The following USP44 variants were observed in gnomAD, a reference collection of about 807,000 sequenced individuals.
The protein encoded by USP44 is ubiquitin carboxyl-terminal hydrolase 44.
In USP44, 61 loss-of-function variants were observed where a neutral mutation model predicts 69.0. The observed-to-expected ratio is 0.88, with a 90% CI of 0.72 to 1.09. The LOEUF is 1.09. Ranked by LOEUF, USP44 falls within the 50% of genes least tolerant of loss-of-function variation. USP44 has a pLI of 0.00. For synonymous variants in USP44, 297 were observed against 295.4 expected (o/e 1.01, Z -0.06); for missense variants, 753 against 849.9 (o/e 0.89, Z 1.42).
At position 95,518,270 on chromosome 12, in the gene USP44, A is replaced by G. The variant is rs2076539479; in HGVS notation, c.2023T>C (p.Tyr675His). ...CCATTCTCAGTAACTCGTTGGGTAT[A>G]AAACAAGATATAAGCTTGAGCCTTG... ...VCKAQAYILF[Y>H]TQRVTENGHS... is the part of the protein sequence containing the mutation. Residue 675 changes from tyrosine (Y) to histidine (H), a missense_variant, in exon 6 of 6, where the codon TAT (tyrosine) becomes CAT (histidine). Physicochemically the swap from Tyr to His is moderately conservative, Grantham distance 83. Coordinates refer to ENST00000258499, the MANE Select transcript of USP44 (RefSeq NM_032147.5). 1 of 1,614,218 alleles carries G rather than the reference A, an allele frequency of 6.2e-7. No individual in the cohort carries two copies. The highest frequency in any genetic ancestry group is 1.3e-5 in the African/African-American group (1 of 75,062).
Position 95,518,059 on chromosome 12 carries a change from C to T in USP44, c.*95G>A. On this transcript the variant is annotated 3_prime_UTR_variant, in exon 6 of 6. Transcript: ENST00000258499. ...ATAAAATGTATAAATGTAGTATACA[C>T]TGATTCACAAGAAAAAATGAAGTTT... 7.3e-7 allele frequency: 1 copy of T among 1,368,774 alleles called. No individual in the cohort carries two copies. The highest frequency in any genetic ancestry group is 1.0e-6 in the Non-Finnish European group (1 of 993,568). 84.8% of individuals were successfully genotyped at this position (1,368,774 alleles called of 1,614,324 possible). A position where few individuals can be genotyped will look rare whatever the true frequency, so the allele number is the denominator to read the frequency against.
chr12:95,538,636 G>A (rs1384152145), intron 1 of USP44, among the ~76,000 whole-genome samples: 2 of 152,140 alleles, frequency 1.3e-5, no homozygotes, highest in Non-Finnish European at 2.9e-5. Context: ...TTTTAGCTCA[G>A]GGGGCCCACT....
chr12:95,538,241 C>A (rs2077269559), intron 1 of USP44, among the ~76,000 whole-genome samples: 1 of 152,128 alleles, frequency 6.6e-6, no homozygotes, highest in African/African-American at 2.4e-5. Context: ...CTACATACCT[C>A]AGTTTTCTTA....
At chr12:95,541,874 ATTTTTTTTT>A (rs34060895) in intron 1 of USP44, among the ~76,000 whole-genome samples, 1 of 99,560 alleles carries the variant, frequency 1.0e-5, no homozygotes, top group South Asian at 3.3e-4. Context: ...TATCATCTCC[ATTTTTTTTT>A]TTTTTTTTTT....
rs2077078721 is a variant in USP44, at chr12:95,533,162, C to A, written c.1095G>T (p.Lys365Asn). 1 of 1,614,198 alleles carries A rather than the reference C, an allele frequency of 6.2e-7. No homozygotes were observed. Among genetic ancestry groups the A allele is most frequent in the South Asian group, 1.1e-5 (1 of 91,088 alleles). Reference sequence around the variant, plus strand: ...GCTCCTTTGGCTGAATAAGTTCCATCTTTCTACCTTTTGATGCTCCACCAC... The same window carrying A: ...GCTCCTTTGGCTGAATAAGTTCCATATTTCTACCTTTTGATGCTCCACCAC... The part of the protein sequence containing the change: ...GLSGGASKGR[K>N]MELIQPKEPT... The change falls in exon 2 of 6, where the codon AAG (lysine) becomes AAT (asparagine). Residue 365 changes from lysine to asparagine, a missense_variant. Transcript: ENST00000258499.
chr12:95,531,441 G>A (rs2077017933), intron 2 of USP44, among the ~76,000 whole-genome samples: 1 of 152,080 alleles, frequency 6.6e-6, no homozygotes. Context: ...TGGGGTTATA[G>A]GATTAGAGAA....
At chr12:95,528,659 A>T in intron 3 of USP44, 148 bp downstream of exon 3, 1 of 759,756 alleles carries the variant, frequency 1.3e-6, no homozygotes, top group Non-Finnish European at 2.0e-6. Context: ...CATAAATGCC[A>T]ATTATAAAGT....
chr12:95,532,765 C>A (rs1362309943), intron 2 of USP44, 64 bp downstream of exon 2: 3 of 1,386,806 alleles, frequency 2.2e-6, no homozygotes, highest in Non-Finnish European at 2.9e-6. Context: ...ATAGAATATG[C>A]CTTTTTATAG....
chr12:95,537,994 T>A (rs1415208753), intron 1 of USP44, among the ~76,000 whole-genome samples: 4 of 152,232 alleles, frequency 2.6e-5, no homozygotes, highest in Non-Finnish European at 5.9e-5. Flanking sequence ...CTAAAAAATC[T>A]ATTTAGATAA....
rs2076781633 is a variant in USP44 at position 95,524,770 on chromosome 12, G to C, written c.1643C>G (p.Ser548Cys). 3.7e-6 allele frequency: 6 copies of C among 1,609,614 alleles called. No individual in the cohort carries two copies. The highest frequency in any genetic ancestry group is 5.1e-6 in the Non-Finnish European group (6 of 1,178,826). The stretch of plus-strand genomic sequence containing the variant: ...TTCTGTGAGTACAACTGGTTTGGAG[G>C]AAAACCTTCTACGCTTTGCTGTAAC... ...DQCNSKRRRF[S>C]SKPVVLTEAQ... The change falls in exon 4 of 6, where the codon TCC (serine) becomes TGC (cysteine). Residue 548 changes from serine (S) to cysteine (C), a missense_variant. By Grantham distance (112) the Ser-to-Cys change is moderately radical. Coordinates refer to ENST00000258499, the MANE Select transcript of USP44 (RefSeq NM_032147.5).
chr12:95,533,543 T>A lies in USP44; in HGVS notation c.714A>T (p.Ala238=). Residue 238 remains alanine, a synonymous_variant, in exon 2 of 6, where the codon GCA becomes GCT. Transcript: ENST00000258499. ...VSVQVPAQTP[A]SPAKDKVLST... is the part of the protein sequence containing the mutation. ...AGAGTACTTTATCTTTTGCTGGTGA[T>A]GCTGGCGTTTGTGCTGGCACCTGAA... The A allele has an allele frequency of 6.2e-7, 1 of 1,613,774 alleles. No individual in the cohort carries two copies. The highest frequency in any genetic ancestry group is 8.5e-7 in the Non-Finnish European group (1 of 1,179,856).
At chr12:95,526,555 G>A (rs139864509) in intron 3 of USP44, among the ~76,000 whole-genome samples, 2,130 of 152,276 alleles carry the variant, frequency 0.014, 20 homozygotes, top group Non-Finnish European at 0.022. Flanking sequence ...ATGGGTGACA[G>A]AGCGAGATTC....
chr12:95,519,777 C>T (rs1476987783), intron 5 of USP44, among the ~76,000 whole-genome samples: 2 of 150,572 alleles, frequency 1.3e-5, no homozygotes, highest in African/African-American at 4.9e-5. Flanking sequence ...TGGTGGCTCA[C>T]GCCTGTAAAC....
Position 95,528,836 on chromosome 12 carries a change from C to T in USP44, c.1595G>A (p.Gly532Glu). ...AKFTETEALE[G>E]KIYVCDQCNS... Reference sequence around the variant, plus strand: ...ACACTGGTCACATACGTAGATTTTTCCTTCTAAAGCTTCAGTTTCTGTAAA... The same window carrying T: ...ACACTGGTCACATACGTAGATTTTTTCTTCTAAAGCTTCAGTTTCTGTAAA... Residue 532 changes from glycine (G) to glutamate (E), a missense_variant, in exon 3 of 6, where the codon GGA becomes GAA. By Grantham distance (98) the Gly-to-Glu change is moderately conservative. Coordinates refer to ENST00000258499, the MANE Select transcript of USP44 (RefSeq NM_032147.5). 6.2e-7 allele frequency: 1 copy of T among 1,613,912 alleles called. No individual in the cohort carries two copies. Among genetic ancestry groups the T allele is most frequent in the Non-Finnish European group, 8.5e-7 (1 of 1,179,960 alleles).
rs199606254 is a variant in USP44, at chr12:95,519,432, A to ACTTTTTTTTTTTTTTTTTTTTTT, written c.1940-1080_1940-1079insAAAAAAAAAAAAAAAAAAAAAAG. 7.1e-5 allele frequency among the ~76,000 whole-genome samples: 6 copies of ACTTTTTTTTTTTTTTTTTTTTTT among 84,544 alleles called. 1 individual carries two copies. The highest frequency in any genetic ancestry group is 8.6e-5 in the Non-Finnish European group (4 of 46,452). 55.5% of individuals were successfully genotyped at this position (84,544 alleles called of 152,430 possible). A position where few individuals can be genotyped will look rare whatever the true frequency, so the allele number is the denominator to read the frequency against. On this transcript the variant is annotated intron_variant, in intron 5 of 5. Transcript: ENST00000258499. ...TTCAGACAAGGTATACTCAATCTGT[A>ACTTTTTTTTTTTTTTTTTTTTTT]TTTTTTTTTTTTTTTTTTTTTTTTT...
chr12:95,538,608 C>T (rs1382288893), intron 1 of USP44, among the ~76,000 whole-genome samples: 2 of 152,022 alleles, frequency 1.3e-5, no homozygotes, highest in African/African-American at 4.8e-5. Flanking sequence ...AGTGGAATGA[C>T]GGATCACGAG....
chr12:95,528,743 C>A (rs2076929021), intron 3 of USP44, 64 bp downstream of exon 3: 30 of 1,468,364 alleles, frequency 2.0e-5, no homozygotes, highest in Non-Finnish European at 2.7e-5. Context: ...TTTCAGCTTC[C>A]TCTCATCTGC....
intron 1 of USP44, among the ~76,000 whole-genome samples, chr12:95,543,655 A>G (rs1187308808): frequency 6.6e-6 from 1 of 151,532 alleles, no homozygotes; most frequent in Non-Finnish European, 1.5e-5. Context: ...GGGTAGCTAA[A>G]TTTTTTTTAC....
Position 95,521,133 on chromosome 12 carries a change from C to G in USP44, c.1803G>C (p.Glu601Asp), listed in dbSNP as rs374626600. ...HVGFEEILNM[E>D]PYCCRETLKS... The stretch of plus-strand genomic sequence containing the variant: ...TCAGGGTCTCCCTGCAGCAATAGGG[C>G]TCCATGTTTAAGATTTCCTCAAAGC... The change falls in exon 5 of 6, where the codon GAG (glutamate) becomes GAC (aspartate). Residue 601 changes from glutamate to aspartate, a missense_variant. Transcript: ENST00000258499. The G allele has an allele frequency of 6.2e-7, 1 of 1,614,034 alleles. No homozygotes were observed. Among genetic ancestry groups the G allele is most frequent in the Non-Finnish European group, 8.5e-7 (1 of 1,180,040 alleles).
Sources: allele counts gnomAD v4.1 joint callset (sites outside exome capture counted in the v4.1 genomes callset), GRCh38; gene constraint gnomAD v4.1.1; transcripts MANE v1.5; gene names NCBI Gene and HGNC (gene_info 2026-07-23, HGNC 2026-07-21).